The following EFCAB11 variants were observed in gnomAD, a reference collection of about 807,000 sequenced individuals.
The protein encoded by EFCAB11 is EF-hand calcium-binding domain-containing protein 11.
In EFCAB11, 14 loss-of-function variants were observed where a neutral mutation model predicts 23.0. The observed-to-expected ratio is 0.61, with a 90% CI of 0.40 to 0.95. The LOEUF is 0.95. Ranked by LOEUF, EFCAB11 falls within the 40% of genes least tolerant of loss-of-function variation. EFCAB11 has a pLI of 0.00. For missense variants in EFCAB11, 198 were observed against 195.8 expected (o/e 1.01, Z -0.07); for synonymous variants, 65 against 66.6 (o/e 0.98, Z 0.11).
intron 5 of EFCAB11, among the ~76,000 whole-genome samples, chr14:89,828,759 C>A (rs528250607): frequency 6.6e-6 from 1 of 152,092 alleles, no homozygotes; most frequent in African/African-American, 2.4e-5. Flanking sequence ...TAGGGCTTTA[C>A]GGGCTTAATA....
chr14:89,842,629 TATG>T (rs578209696), intron 5 of EFCAB11, among the ~76,000 whole-genome samples: 2 of 125,006 alleles, frequency 1.6e-5, no homozygotes, highest in East Asian at 2.6e-4. Context: ...TATGATATGA[TATG>T]ATATGATATA....
At chr14:89,949,969 T>G in intron 3 of EFCAB11, 128 bp downstream of exon 3, 1 of 1,011,376 alleles carries the variant, frequency 9.9e-7, no homozygotes, top group South Asian at 1.5e-5. Context: ...CCCCCATGAT[T>G]CAGTTACCTT....
intron 5 of EFCAB11, among the ~76,000 whole-genome samples, chr14:89,900,470 C>A (rs1889306514): frequency 2.0e-5 from 3 of 152,172 alleles, no homozygotes; most frequent in Non-Finnish European, 4.4e-5. Flanking sequence ...GCATCATACA[C>A]ACTTACATAC....
chr14:89,951,271 A>G (rs1205415244), intron 2 of EFCAB11, among the ~76,000 whole-genome samples: 1 of 152,130 alleles, frequency 6.6e-6, no homozygotes, highest in East Asian at 1.9e-4. Flanking sequence ...CTATCCCTTC[A>G]GTCCCAGTGG....
intron 5 of EFCAB11, among the ~76,000 whole-genome samples, chr14:89,909,393 T>C (rs965667594): frequency 6.6e-6 from 1 of 152,042 alleles, no homozygotes; most frequent in East Asian, 1.9e-4. Flanking sequence ...GCCTGGCCAA[T>C]GTGGCAAAAC....
chr14:89,873,145 A>T (rs1888334357), intron 5 of EFCAB11, among the ~76,000 whole-genome samples: 2 of 152,146 alleles, frequency 1.3e-5, no homozygotes, highest in South Asian at 4.1e-4. Context: ...ATGGCTGGGG[A>T]GGCCTCGTAA....
chr14:89,879,848 A>G (rs1259690253), intron 5 of EFCAB11, among the ~76,000 whole-genome samples: 1 of 152,194 alleles, frequency 6.6e-6, no homozygotes, highest in Non-Finnish European at 1.5e-5. Context: ...CTAATTATAA[A>G]AAGAGAAAAG....
At chr14:89,810,025 C>A (rs944819404) in intron 5 of EFCAB11, among the ~76,000 whole-genome samples, 3 of 152,146 alleles carry the variant, frequency 2.0e-5, no homozygotes, top group African/African-American at 7.2e-5. Flanking sequence ...GTGAAGGAAC[C>A]CATGTTTTCT....
At chr14:89,924,562 A>G in intron 5 of EFCAB11, 8 of 1,526,698 alleles carry the variant, frequency 5.2e-6, no homozygotes, top group Non-Finnish European at 7.0e-6. Context: ...ATATCCATGC[A>G]GAGAAAAATG....
intron 5 of EFCAB11, among the ~76,000 whole-genome samples, chr14:89,835,490 G>A (rs1018861397): frequency 6.6e-6 from 1 of 152,004 alleles, no homozygotes; most frequent in Non-Finnish European, 1.5e-5. Context: ...AGTCACATGA[G>A]GTCAGGTGTG....
At chr14:89,929,048 C>T (rs373423286) in intron 5 of EFCAB11, among the ~76,000 whole-genome samples, 12,551 of 123,910 alleles carry the variant, frequency 0.1, 1,260 homozygotes, top group African/African-American at 0.22. Context: ...TATATATACA[C>T]ACACACATAT....
In EFCAB11 at chr14:89,896,754, G is replaced by A. The variant is rs569440106; in HGVS notation, c.410+34787C>T. On this transcript the variant is annotated intron_variant, in intron 5 of 5. Coordinates refer to ENST00000316738, the MANE Select transcript of EFCAB11 (RefSeq NM_145231.4). ...CACCCAAGCTGGAGAGCAGTGGCAC[G>A]AGCATAGCTCACTGAAGCCTCAAAC... Among the ~76,000 whole-genome samples the A allele has an allele frequency of 8.5e-5, 13 of 152,220 alleles. No individual in the cohort carries two copies. The East Asian group carries it at 9.7e-4, about 11-fold the overall frequency.
chr14:89,884,329 A>G (rs2140179429), intron 5 of EFCAB11, among the ~76,000 whole-genome samples: 1 of 152,336 alleles, frequency 6.6e-6, no homozygotes, highest in East Asian at 1.9e-4. Flanking sequence ...CATTTAATAA[A>G]AGTCAGTATT....
chr14:89,803,307 T>A (rs952750329), intron 5 of EFCAB11, among the ~76,000 whole-genome samples: 1 of 152,212 alleles, frequency 6.6e-6, no homozygotes, highest in Non-Finnish European at 1.5e-5. Context: ...ATCATGCAGA[T>A]GATTGTCCCA....
intron 5 of EFCAB11, among the ~76,000 whole-genome samples, chr14:89,869,965 T>C (rs1888215771): frequency 6.6e-6 from 1 of 152,214 alleles, no homozygotes; most frequent in Admixed American, 6.5e-5. Context: ...AGGATTCTCC[T>C]TAGAGTTTTG....
chr14:89,835,626 G>GTGTGTGTGTC (rs1887051162), intron 5 of EFCAB11, among the ~76,000 whole-genome samples: 1 of 148,672 alleles, frequency 6.7e-6, no homozygotes, highest in Non-Finnish European at 1.5e-5. Flanking sequence ...GTGTGTGTGT[G>GTGTGTGTGTC]TGTGTGTGTG....
intron 5 of EFCAB11, among the ~76,000 whole-genome samples, chr14:89,874,575 G>C (rs1029846775): frequency 2.6e-5 from 4 of 152,030 alleles, no homozygotes; most frequent in Admixed American, 6.5e-5. Flanking sequence ...CCACATCTTT[G>C]TGAATGAATA....
chr14:89,924,655 T>TA (rs777687188), intron 5 of EFCAB11: 1 of 1,535,770 alleles, frequency 6.5e-7, no homozygotes, highest in South Asian at 1.2e-5. Context: ...CAGCCGAAGT[T>TA]AAATCATGCA....
chr14:89,800,988 A>G (rs1053856086), intron 5 of EFCAB11, among the ~76,000 whole-genome samples: 5 of 150,020 alleles, frequency 3.3e-5, no homozygotes, highest in Non-Finnish European at 7.4e-5. Context: ...GGCTGCAGTG[A>G]GCTGAGTTCA....
Sources: gnomAD v4.1 joint callset for allele counts (sites outside exome capture counted in the v4.1 genomes callset) on GRCh38, gnomAD v4.1.1 for gene constraint, MANE v1.5 for transcripts, NCBI Gene and HGNC (gene_info 2026-07-23, HGNC 2026-07-21) for gene names.